SOX6: variants seen among roughly 807,000 people sequenced by gnomAD.
The protein encoded by SOX6 is SRY-box transcription factor 6.
Under a neutral mutation model 97.8 loss-of-function variants are expected in SOX6, and 11 were observed. The ratio of observed to expected loss-of-function variants is 0.11; its 90% CI spans 0.07 to 0.19. The LOEUF (loss-of-function observed/expected upper bound fraction) is 0.19. Ranked by LOEUF, SOX6 falls within the 10% of genes least tolerant of loss-of-function variation. SOX6 has a pLI of 1.00. For synonymous variants in SOX6, 360 were observed against 371.4 expected, an observed-to-expected ratio of 0.97 and a Z score of 0.35; for missense variants, 810 against 1,039.5, an observed-to-expected ratio of 0.78 and a Z score of 3.04.
intron 3 of SOX6, among the ~76,000 whole-genome samples, chr11:16,670,022 A>G (rs1220559372): frequency 6.6e-6 from 1 of 152,146 alleles, no homozygotes. Flanking sequence ...CAGGGTGAGG[A>G]GTCCAGCCCC....
chr11:16,196,718 T>C (rs1851787038), intron 4 of SOX6, among the ~76,000 whole-genome samples: 1 of 152,090 alleles, frequency 6.6e-6, no homozygotes, highest in South Asian at 2.1e-4. Flanking sequence ...GACTTCTACC[T>C]TGATTCCTAA....
At chr11:16,397,122 GAA>G (rs1240611930) in intron 1 of SOX6, among the ~76,000 whole-genome samples, 1 of 151,334 alleles carries the variant, frequency 6.6e-6, no homozygotes, top group Non-Finnish European at 1.5e-5. Context: ...GTTTGTCACT[GAA>G]GATTCTTCAG....
At chr11:16,160,120 G>A (rs139197640) in intron 6 of SOX6, among the ~76,000 whole-genome samples, 1 of 152,134 alleles carries the variant, frequency 6.6e-6, no homozygotes, top group Non-Finnish European at 1.5e-5. Context: ...ATAGGTTTAC[G>A]GTTTAAGGTA....
intron 4 of SOX6, among the ~76,000 whole-genome samples, chr11:16,192,100 C>A (rs916933787): frequency 6.6e-6 from 1 of 152,130 alleles, no homozygotes. Context: ...CAGCCAGGGA[C>A]GCTGGAAGAG....
At chr11:16,188,229 C>CAAAAAA (rs5789943) in intron 4 of SOX6, among the ~76,000 whole-genome samples, 3 of 113,594 alleles carry the variant, frequency 2.6e-5, no homozygotes, top group African/African-American at 3.1e-5. Flanking sequence ...AACTCAGGTC[C>CAAAAAA]AAAAAAAAAA....
chr11:16,641,972 T>G (rs1247916872), intron 3 of SOX6, among the ~76,000 whole-genome samples: 1 of 152,170 alleles, frequency 6.6e-6, no homozygotes, highest in Non-Finnish European at 1.5e-5. Flanking sequence ...GTTATTTTGC[T>G]CGTTAGTTGA....
chr11:16,615,029 G>T (rs1848454546), intron 3 of SOX6, among the ~76,000 whole-genome samples: 1 of 152,108 alleles, frequency 6.6e-6, no homozygotes. Context: ...TCCAATAAAA[G>T]AAGCAACAGG....
chr11:16,047,392 C>G (rs1855867039), intron 11 of SOX6, among the ~76,000 whole-genome samples: 1 of 152,056 alleles, frequency 6.6e-6, no homozygotes. Context: ...GTGATCAGCT[C>G]CCTCACTTCA....
At chr11:16,567,239 T>A (rs777694422) in intron 4 of SOX6, 1 of 152,798 alleles carries the variant, frequency 6.5e-6, no homozygotes, top group Non-Finnish European at 1.5e-5. Context: ...AAATCATCTC[T>A]GTTTATAAAA....
At chr11:16,429,790 G>T (rs537790081) in intron 1 of SOX6, among the ~76,000 whole-genome samples, 1 of 152,004 alleles carries the variant, frequency 6.6e-6, no homozygotes, top group Non-Finnish European at 1.5e-5. Flanking sequence ...ACAAGCTTAC[G>T]TATGTAACAA....
intron 6 of SOX6, among the ~76,000 whole-genome samples, chr11:16,182,080 C>T (rs1298846742): frequency 1.3e-5 from 2 of 151,690 alleles, no homozygotes; most frequent in Non-Finnish European, 3.0e-5. Flanking sequence ...TCAATTTATA[C>T]TACACAATCA....
chr11:16,393,827 C>T (rs769841694), intron 1 of SOX6, among the ~76,000 whole-genome samples: 2 of 151,968 alleles, frequency 1.3e-5, no homozygotes, highest in African/African-American at 4.8e-5. Flanking sequence ...AAAAATGAAA[C>T]TTTCAAATCT....
Position 16,637,053 on chromosome 11 carries a change from G to A in SOX6, n.430-24793C>T, listed in dbSNP as rs927568918. ...TAATGGTGTCTTCATTATTTTTGTT[G>A]TTGATTAGTCTCTCTAGAAATTGGC... On this transcript the variant is annotated intron_variant and non_coding_transcript_variant, in intron 3 of 5. Coordinates refer to the SOX6 transcript ENST00000524520. 2.0e-5 allele frequency among the ~76,000 whole-genome samples: 3 copies of A among 151,964 alleles called. No homozygotes were observed. In the East Asian group the frequency reaches 5.8e-4, roughly 29 times the overall value.
intron 3 of SOX6, among the ~76,000 whole-genome samples, chr11:16,660,179 T>A (rs1277635956): frequency 6.6e-6 from 1 of 152,176 alleles, no homozygotes; most frequent in Non-Finnish European, 1.5e-5. Context: ...TTGTTCTTCT[T>A]TCTCAGTTTC....
intron 4 of SOX6, among the ~76,000 whole-genome samples, chr11:16,592,140 A>G (rs1848161629): frequency 1.3e-5 from 2 of 151,900 alleles, no homozygotes; most frequent in African/African-American, 4.8e-5. Flanking sequence ...ATGTACATGT[A>G]TTAGGGTTCA....
intron 3 of SOX6, among the ~76,000 whole-genome samples, chr11:16,624,184 T>TTTATTTA (rs72263018): frequency 1.4e-4 from 20 of 147,232 alleles, no homozygotes; most frequent in Non-Finnish European, 2.4e-4. Flanking sequence ...TATTTTTTTA[T>TTTATTTA]TTTATTTATT....
At chr11:16,701,068 A>G (rs1246545664) in intron 3 of SOX6, among the ~76,000 whole-genome samples, 2 of 152,218 alleles carry the variant, frequency 1.3e-5, no homozygotes, top group African/African-American at 4.8e-5. Context: ...TCTTAGTTAC[A>G]CTTACTATTT....
chr11:16,414,956 T>C (rs1024208129), intron 1 of SOX6, among the ~76,000 whole-genome samples: 4 of 152,182 alleles, frequency 2.6e-5, no homozygotes, highest in African/African-American at 7.2e-5. Flanking sequence ...CTGAGAGCTA[T>C]AAATAATGTA....
chr11:16,578,473 T>C (rs1340733580), intron 4 of SOX6, among the ~76,000 whole-genome samples: 1 of 152,152 alleles, frequency 6.6e-6, no homozygotes, highest in Non-Finnish European at 1.5e-5. Flanking sequence ...AGCTTCCTCC[T>C]TTATAAAGTG....
Sources: allele counts gnomAD v4.1 joint callset (sites outside exome capture counted in the v4.1 genomes callset), GRCh38; gene constraint gnomAD v4.1.1; transcripts MANE v1.5; gene names NCBI Gene and HGNC (gene_info 2026-07-23, HGNC 2026-07-21).